HECW2: variants seen among roughly 807,000 people sequenced by gnomAD.
The protein encoded by HECW2 is HECT, C2 and WW domain containing E3 ubiquitin protein ligase 2.
In HECW2, 61 loss-of-function variants were observed where a neutral mutation model predicts 175.2. That is an observed-to-expected ratio of 0.35 (90% CI 0.28 to 0.43). HECW2 has a LOEUF of 0.43. Among genes scored for constraint, HECW2 ranks in the 20% least tolerant of loss-of-function variants. HECW2 has a pLI of 1.00. For synonymous variants in HECW2, 671 were observed against 731.0 expected (o/e 0.92, Z 1.32); for missense variants, 1,524 against 2,000.5 (o/e 0.76, Z 4.54).
At chr2:196,268,338 A>AT (rs1575327163) in intron 17 of HECW2, among the ~76,000 whole-genome samples, 1 of 152,220 alleles carries the variant, frequency 6.6e-6, no homozygotes, top group South Asian at 2.1e-4. Context: ...AAATAATTGC[A>AT]TAAAAATAGA....
At chr2:196,207,260 G>A (rs962809256) in intron 28 of HECW2, among the ~76,000 whole-genome samples, 1 of 152,194 alleles carries the variant, frequency 6.6e-6, no homozygotes, top group Non-Finnish European at 1.5e-5. Context: ...GACAGATGAT[G>A]AATTCAAGGG....
intron 1 of HECW2, among the ~76,000 whole-genome samples, chr2:196,581,663 C>T (rs571906105): frequency 2.0e-5 from 3 of 152,232 alleles, no homozygotes; most frequent in East Asian, 3.9e-4. Context: ...AAATGAACAC[C>T]TACAGATAGA....
intron 1 of HECW2, among the ~76,000 whole-genome samples, chr2:196,561,282 G>A (rs1430809949): frequency 6.6e-6 from 1 of 152,208 alleles, no homozygotes; most frequent in Admixed American, 6.5e-5. Context: ...CGCCAGGCTT[G>A]CTAGGATTAG....
At chr2:196,506,492 C>A (rs1013637321) in intron 1 of HECW2, among the ~76,000 whole-genome samples, 3 of 152,016 alleles carry the variant, frequency 2.0e-5, no homozygotes, top group Admixed American at 6.6e-5. Context: ...CTGGTATACA[C>A]AGGGTTCTTC....
chr2:196,287,501 C>G lies in HECW2; in HGVS notation c.3000+5064G>C, dbSNP rs73044301. ...TGTTTGAGAGTCTAAAGCAAAGAGG[C>G]AGGGGGAAATAGTCCGTATTTAACA... On this transcript the variant is annotated intron_variant, in intron 14 of 28. Transcript: ENST00000644978. Among the ~76,000 whole-genome samples the G allele has an allele frequency of 9.6e-3, 1,463 of 151,866 alleles. 19 individuals are homozygous for G. Among genetic ancestry groups the G allele is most frequent in the African/African-American group, 0.034 (1,402 of 41,414 alleles).
intron 1 of HECW2, among the ~76,000 whole-genome samples, chr2:196,525,175 T>C (rs1688590581): frequency 6.7e-6 from 1 of 148,280 alleles, no homozygotes; most frequent in Non-Finnish European, 1.5e-5. Flanking sequence ...ATTGGGTGCA[T>C]ATATATTTAG....
At chr2:196,371,213 C>A (rs1693900483) in intron 2 of HECW2, among the ~76,000 whole-genome samples, 1 of 152,142 alleles carries the variant, frequency 6.6e-6, no homozygotes, top group Admixed American at 6.5e-5. Context: ...GTCTTAAAAT[C>A]CAATAGTCCA....
Position 196,200,146 on chromosome 2 carries a change from G to A in HECW2, c.*1131C>T, listed in dbSNP as rs1250098525. On this transcript the variant is annotated 3_prime_UTR_variant, in exon 29 of 29. Transcript: ENST00000644978. ...AATGCATATCATACTATCACATATA[G>A]TGAATCTTAAAAAATTATTACTTAG... The A allele has an allele frequency of 6.6e-6, 1 of 152,566 alleles. No homozygotes were observed. Among genetic ancestry groups the A allele is most frequent in the Non-Finnish European group, 1.5e-5 (1 of 67,996 alleles). The allele number at this position is 152,566 out of a possible 1,614,324, so 9.5% of individuals were successfully genotyped here. A position where few individuals can be genotyped will look rare whatever the true frequency, so the allele number is the denominator to read the frequency against.
chr2:196,433,457 A>G lies in HECW2; in HGVS notation c.-34T>C. 1 of 1,595,524 alleles carries G rather than the reference A, an allele frequency of 6.3e-7. No homozygotes were observed. The highest frequency in any genetic ancestry group is 8.5e-7 in the Non-Finnish European group (1 of 1,170,912). ...CTTCTCTGGGATTGGCTGCCTACAA[A>G]GCTGCAAGAGACAGATAAACATAAA... is the stretch of plus-strand genomic sequence containing the variant. On this transcript the variant is annotated splice_region_variant and 5_prime_UTR_variant, in exon 2 of 29. Coordinates refer to ENST00000644978, the MANE Select transcript of HECW2 (RefSeq NM_001348768.2).
chr2:196,360,407 G>A (rs1224740838), intron 2 of HECW2, among the ~76,000 whole-genome samples: 5 of 152,168 alleles, frequency 3.3e-5, no homozygotes, highest in African/African-American at 1.2e-4. Flanking sequence ...AGCATGGATG[G>A]AGCTGGAGGC....
intron 10 of HECW2, among the ~76,000 whole-genome samples, chr2:196,312,352 A>G (rs1691529187): frequency 6.6e-6 from 1 of 152,262 alleles, no homozygotes; most frequent in South Asian, 2.1e-4. Flanking sequence ...ATAAAAAACT[A>G]TAATAACCAC....
At chr2:196,422,301 C>T (rs1034907564) in intron 2 of HECW2, among the ~76,000 whole-genome samples, 1 of 152,088 alleles carries the variant, frequency 6.6e-6, no homozygotes, top group Non-Finnish European at 1.5e-5. Flanking sequence ...CTATGCATTT[C>T]CCAGTCCCCT....
At chr2:196,379,938 C>A (rs1236815105) in intron 2 of HECW2, among the ~76,000 whole-genome samples, 1 of 149,468 alleles carries the variant, frequency 6.7e-6, no homozygotes, top group Non-Finnish European at 1.5e-5. Context: ...AGGTACTGCT[C>A]TACATTAAAG....
intron 19 of HECW2, among the ~76,000 whole-genome samples, chr2:196,251,705 G>T (rs2105909001): frequency 6.6e-6 from 1 of 152,142 alleles, no homozygotes; most frequent in East Asian, 1.9e-4. Flanking sequence ...CCTTCAATTT[G>T]TTCCCTGGTC....
intron 2 of HECW2, among the ~76,000 whole-genome samples, chr2:196,392,828 A>G (rs1051362206): frequency 6.6e-6 from 1 of 152,212 alleles, no homozygotes; most frequent in Non-Finnish European, 1.5e-5. Flanking sequence ...TGGAACCAAA[A>G]AAGAGCCCAC....
intron 2 of HECW2, among the ~76,000 whole-genome samples, chr2:196,357,244 T>C (rs769319461): frequency 6.0e-4 from 91 of 151,430 alleles, no homozygotes; most frequent in Admixed American, 1.0e-3. Flanking sequence ...GACAGAGCTA[T>C]AGCCGATACA....
Position 196,292,654 on chromosome 2 carries a change from G to C in HECW2, c.2911C>G (p.Arg971Gly). The C allele has an allele frequency of 6.2e-7, 1 of 1,614,170 alleles. No individual in the cohort carries two copies. The highest frequency in any genetic ancestry group is 1.1e-5 in the South Asian group (1 of 91,088). The change falls in exon 14 of 29, where the codon CGC (arginine) becomes GGC (glycine). Residue 971 changes from arginine to glycine, a missense_variant. By Grantham distance (125) the Arg-to-Gly change is moderately radical. Around this residue, in one of 11 missense-constraint regions of HECW2, gnomAD observed 291 missense variants for 412.2 expected, o/e 0.71. Coordinates refer to ENST00000644978, the MANE Select transcript of HECW2 (RefSeq NM_001348768.2). ...ATGTTGAGGAATCCCACAAGGTCGC[G>C]GTTATGCTGGTAGCGTTCAAAGTGG... ...THHFERYQHN[R>G]DLVGFLNMFA...
At chr2:196,474,826 C>T (rs996646527) in intron 1 of HECW2, among the ~76,000 whole-genome samples, 20 of 152,154 alleles carry the variant, frequency 1.3e-4, no homozygotes, top group African/African-American at 4.3e-4. Flanking sequence ...CTAATTTCTT[C>T]CCTCAAGGGC....
chr2:196,352,242 A>T (rs913956417), intron 2 of HECW2, among the ~76,000 whole-genome samples: 2 of 152,226 alleles, frequency 1.3e-5, no homozygotes, highest in African/African-American at 4.8e-5. Context: ...CTAAGAGGGC[A>T]CCTACTGGCG....
Sources: gnomAD v4.1 joint callset for allele counts (sites outside exome capture counted in the v4.1 genomes callset) on GRCh38, gnomAD v4.1.1 for gene constraint, gnomAD v4.1.1 regional missense constraint, MANE v1.5 for transcripts, NCBI Gene and HGNC (gene_info 2026-07-23, HGNC 2026-07-21) for gene names.